KNTC1: variants seen among roughly 807,000 people sequenced by gnomAD.
KNTC1 encodes the protein kinetochore associated 1, also known as kinetochore-associated protein 1.
In KNTC1, 253 loss-of-function variants were observed where a neutral mutation model predicts 314.4. The ratio of observed to expected loss-of-function variants is 0.80; its 90% CI spans 0.73 to 0.89. The LOEUF is 0.89. Ranked by LOEUF, KNTC1 falls within the 40% of genes least tolerant of loss-of-function variation. The probability of loss-of-function intolerance (pLI) is 0.00; values close to 1 mark genes in which losing one functional copy is unlikely to be tolerated. For missense variants in KNTC1, 2,475 were observed against 2,572.9 expected, an observed-to-expected ratio of 0.96 and a Z score of 0.82; for synonymous variants, 901 against 901.4, an observed-to-expected ratio of 1.00 and a Z score of 0.01.
At chr12:122,579,246 A>G (rs978108809) in intron 31 of KNTC1, among the ~76,000 whole-genome samples, 2 of 150,262 alleles carry the variant, frequency 1.3e-5, no homozygotes, top group Non-Finnish European at 3.0e-5. Context: ...TTGTATTTTT[A>G]GTAGAGACGG....
rs374023975 is a variant in KNTC1, at chr12:122,581,581, G to A, written c.2982+911G>A. On this transcript the variant is annotated intron_variant, in intron 33 of 63. Coordinates refer to ENST00000333479, the MANE Select transcript of KNTC1 (RefSeq NM_014708.6). ...ATGATCTCAGCTTACTGCAGATTCT[G>A]CCTCCCAGGTTCAAGAGATTCTCCT... is the stretch of plus-strand genomic sequence containing the variant. 5.0e-4 allele frequency among the ~76,000 whole-genome samples: 76 copies of A among 151,854 alleles called. 1 individual carries two copies. In the South Asian group the frequency reaches 5.4e-3, roughly 11 times the overall value.
intron 10 of KNTC1, among the ~76,000 whole-genome samples, chr12:122,546,896 G>A (rs1379235043): frequency 2.0e-5 from 3 of 149,756 alleles, no homozygotes; most frequent in Non-Finnish European, 3.0e-5. Context: ...GCAATGGTGC[G>A]ATCTCGGCTC....
At chr12:122,559,130 C>T (rs992662623) in intron 18 of KNTC1, among the ~76,000 whole-genome samples, 1 of 151,998 alleles carries the variant, frequency 6.6e-6, no homozygotes, top group African/African-American at 2.4e-5. Flanking sequence ...GGGCAGATCA[C>T]GAGGTCAGGA....
intron 43 of KNTC1, among the ~76,000 whole-genome samples, 162 bp downstream of exon 43, chr12:122,594,547 A>T (rs1224371430): frequency 6.6e-6 from 1 of 152,242 alleles, no homozygotes; most frequent in South Asian, 2.1e-4. Flanking sequence ...AGAGTCTCTT[A>T]TGATACCACC....
chr12:122,594,219 CTG>C, intron 42 of KNTC1, 55 bp from the exon 43 acceptor site: 1 of 964,820 alleles, frequency 1.0e-6, no homozygotes, highest in Non-Finnish European at 1.7e-6. Flanking sequence ...TGCCCTTACT[CTG>C]ATACATTTCA....
At chr12:122,595,624 G>T (rs892612988) in intron 43 of KNTC1, among the ~76,000 whole-genome samples, 3 of 152,192 alleles carry the variant, frequency 2.0e-5, no homozygotes, top group African/African-American at 7.2e-5. Flanking sequence ...TATAGGCTGC[G>T]CATAGCTCGA....
chr12:122,599,672 G>A (rs1399357893), intron 44 of KNTC1, among the ~76,000 whole-genome samples: 3 of 151,980 alleles, frequency 2.0e-5, no homozygotes, highest in African/African-American at 7.3e-5. Flanking sequence ...TTTTAAGCCT[G>A]AAATAAATAT....
intron 42 of KNTC1, among the ~76,000 whole-genome samples, chr12:122,592,143 G>A (rs1039144865): frequency 2.6e-5 from 4 of 152,190 alleles, no homozygotes; most frequent in African/African-American, 9.6e-5. Context: ...TGCCGGCCCC[G>A]GGCAGTGAGG....
intron 51 of KNTC1, among the ~76,000 whole-genome samples, chr12:122,608,919 T>C (rs1006700645): frequency 6.6e-6 from 1 of 151,846 alleles, no homozygotes; most frequent in African/African-American, 2.4e-5. Flanking sequence ...ATTAGCCAGG[T>C]GCCATGGTGT....
At chr12:122,574,195 A>G (rs1156788168) in intron 26 of KNTC1, 87 bp from the exon 27 acceptor site, 2 of 704,678 alleles carry the variant, frequency 2.8e-6, no homozygotes, top group Non-Finnish European at 4.8e-6. Context: ...TATCAAGGCC[A>G]TATAATATCT....
At chr12:122,606,250 CAG>C (rs1872577744) in intron 51 of KNTC1, among the ~76,000 whole-genome samples, 1 of 116,676 alleles carries the variant, frequency 8.6e-6, no homozygotes, top group Non-Finnish European at 1.7e-5. Context: ...TTTTTGGATA[CAG>C]AGTCTTACTC....
intron 13 of KNTC1, 40 bp downstream of exon 13, chr12:122,549,904 T>C: frequency 8.8e-7 from 1 of 1,130,442 alleles, no homozygotes; most frequent in South Asian, 1.4e-5. Context: ...TTTAACTACT[T>C]TTTTCTTTAT....
intron 60 of KNTC1, among the ~76,000 whole-genome samples, chr12:122,621,577 C>T (rs1209734493): frequency 6.6e-6 from 1 of 152,228 alleles, no homozygotes; most frequent in Non-Finnish European, 1.5e-5. Context: ...TGAGGCAATC[C>T]GCTGGCCTTG....
chr12:122,618,213 T>TC, intron 57 of KNTC1, 130 bp from the exon 58 acceptor site: 1 of 738,396 alleles, frequency 1.4e-6, no homozygotes, highest in South Asian at 1.7e-5. Flanking sequence ...CTCAAGTGAT[T>TC]CACCTGCTTC....
In KNTC1 at chr12:122,537,038, T is replaced by C. The variant is rs78821820; in HGVS notation, c.251-1301T>C. On this transcript the variant is annotated intron_variant, in intron 3 of 63. Transcript: ENST00000333479. The stretch of plus-strand genomic sequence containing the variant: ...TGGTGGGATGAGTAACGATGATCCA[T>C]TTGTGAAAAGACATTGTGGCGGAAT... Among the ~76,000 whole-genome samples, 49 of 152,320 alleles carry C rather than the reference T, an allele frequency of 3.2e-4. 1 individual carries two copies. In the East Asian group the frequency reaches 9.5e-3, roughly 29 times the overall value.
intron 16 of KNTC1, among the ~76,000 whole-genome samples, chr12:122,553,558 G>A (rs1380360265): frequency 6.6e-6 from 1 of 152,040 alleles, no homozygotes; most frequent in Non-Finnish European, 1.5e-5. Flanking sequence ...AAAAATGGAT[G>A]TGAGGGGTCT....
At chr12:122,579,437 G>A (rs1015634570) in intron 31 of KNTC1, among the ~76,000 whole-genome samples, 4 of 151,996 alleles carry the variant, frequency 2.6e-5, no homozygotes, top group African/African-American at 7.2e-5. Flanking sequence ...TATTGGCGAG[G>A]CACTTACTAA....
At chr12:122,617,795 A>G (rs1873929235) in intron 57 of KNTC1, among the ~76,000 whole-genome samples, 2 of 152,242 alleles carry the variant, frequency 1.3e-5, no homozygotes, top group Non-Finnish European at 2.9e-5. Flanking sequence ...CTATAAATGT[A>G]CAGTTTTGTG....
rs145784988 is a variant in KNTC1 at position 122,566,563 on chromosome 12, C to T, written c.1605-1698C>T. Among the ~76,000 whole-genome samples, 12 of 151,798 alleles carry T rather than the reference C, an allele frequency of 7.9e-5. No homozygotes were observed. The East Asian group carries it at 1.2e-3, about 15-fold the overall frequency. On this transcript the variant is annotated intron_variant, in intron 20 of 63. Transcript: ENST00000333479. The stretch of plus-strand genomic sequence containing the variant: ...TAGCTGGGATTACAGGCATGCAACA[C>T]TACGTCTGGCTAATTTTTGTAGTTT...
Sources: allele counts gnomAD v4.1 joint callset (sites outside exome capture counted in the v4.1 genomes callset), GRCh38; gene constraint gnomAD v4.1.1; transcripts MANE v1.5; gene names NCBI Gene and HGNC (gene_info 2026-07-23, HGNC 2026-07-21).